The following ASTN2 variants were observed in gnomAD, a reference collection of about 807,000 sequenced individuals.
ASTN2 encodes astrotactin 2, also known as astrotactin-2.
A neutral mutation model predicts 139.8 loss-of-function variants in ASTN2; 54 were observed. The observed-to-expected ratio is 0.39, with a 90% confidence interval of 0.31 to 0.48. The LOEUF is 0.48. ASTN2 is among the 20% of genes least tolerant of loss of function. ASTN2 has a pLI of 0.95. For synonymous variants in ASTN2, 756 were observed against 719.5 expected (o/e 1.05, Z -0.81); for missense variants, 1,565 against 1,725.1 (o/e 0.91, Z 1.64).
intron 10 of ASTN2, among the ~76,000 whole-genome samples, chr9:116,883,859 C>T (rs937521680): frequency 2.6e-5 from 4 of 152,174 alleles, no homozygotes; most frequent in Non-Finnish European, 2.9e-5. Flanking sequence ...TTCAGAGCTT[C>T]TGGATTTGGG....
rs551996297 is a variant in ASTN2 at position 116,842,536 on chromosome 9, G to A, written c.2040+21047C>T. ...CATATAAGTGAGTGGGAAAGGCTCT[G>A]CCAGTCCCCAGTCCCCCACCCCTCT... On this transcript the variant is annotated intron_variant, in intron 11 of 22. Coordinates refer to ENST00000313400, the MANE Select transcript of ASTN2 (RefSeq NM_001365068.1). Among the ~76,000 whole-genome samples the A allele has an allele frequency of 9.9e-5, 15 of 151,964 alleles. 1 individual carries two copies. Among genetic ancestry groups the A allele is most frequent in the African/African-American group, 3.6e-4 (15 of 41,462 alleles).
At chr9:116,472,839 A>G (rs1466065419) in intron 20 of ASTN2, among the ~76,000 whole-genome samples, 1 of 151,628 alleles carries the variant, frequency 6.6e-6, no homozygotes, top group Non-Finnish European at 1.5e-5. Context: ...AGGCAGGAGA[A>G]TCGCTTGAAC....
At chr9:116,679,852 T>C (rs1022638741) in intron 16 of ASTN2, among the ~76,000 whole-genome samples, 17 of 152,076 alleles carry the variant, frequency 1.1e-4, no homozygotes, top group Non-Finnish European at 2.1e-4. Flanking sequence ...CATACCAGAA[T>C]CTCTGGGACA....
rs1303114812 is a variant in ASTN2 at position 117,040,826 on chromosome 9, G to A, written c.1277-861C>T. Among the ~76,000 whole-genome samples the A allele has an allele frequency of 2.0e-5, 3 of 152,300 alleles. No homozygotes were observed. In the East Asian group the frequency reaches 5.8e-4, roughly 29 times the overall value. On this transcript the variant is annotated intron_variant, in intron 5 of 22. Transcript: ENST00000313400. The stretch of plus-strand genomic sequence containing the variant: ...TTGTGACAATTACACAGCATGATTT[G>A]TATATCATGCCTGTCATTTAGAAGA...
intron 19 of ASTN2, among the ~76,000 whole-genome samples, chr9:116,606,035 G>A (rs1440900123): frequency 6.6e-6 from 1 of 152,032 alleles, no homozygotes; most frequent in African/African-American, 2.4e-5. Flanking sequence ...CCTGTGCCTC[G>A]GCCCAGCTTC....
chr9:116,582,355 G>A (rs1269892295), intron 19 of ASTN2: 1 of 152,218 alleles, frequency 6.6e-6, no homozygotes, highest in African/African-American at 2.4e-5. Flanking sequence ...AGAAAACCAT[G>A]TATCTTCCCC....
chr9:116,713,076 G>C (rs1001671596), intron 16 of ASTN2, among the ~76,000 whole-genome samples: 4 of 152,130 alleles, frequency 2.6e-5, no homozygotes, highest in Non-Finnish European at 5.9e-5. Flanking sequence ...GGAAGAAAGA[G>C]AGAGTACTAA....
chr9:117,335,845 A>C (rs1828864707), intron 1 of ASTN2, among the ~76,000 whole-genome samples: 3 of 152,168 alleles, frequency 2.0e-5, no homozygotes, highest in African/African-American at 4.8e-5. Flanking sequence ...AATGAAATCC[A>C]TATCTATGTG....
At chr9:116,557,941 T>G (rs980861247) in intron 19 of ASTN2, among the ~76,000 whole-genome samples, 15 of 152,230 alleles carry the variant, frequency 9.9e-5, no homozygotes, top group Non-Finnish European at 4.4e-5. Context: ...AGACTGTAAT[T>G]GAATATACAT....
At chr9:116,603,292 C>T (rs773035753) in intron 19 of ASTN2, among the ~76,000 whole-genome samples, 14 of 152,214 alleles carry the variant, frequency 9.2e-5, no homozygotes, top group East Asian at 5.8e-4. Context: ...TTAAAAGGCA[C>T]GGCTGGAGTG....
At chr9:116,889,166 G>C (rs776799496) in intron 10 of ASTN2, among the ~76,000 whole-genome samples, 1 of 152,104 alleles carries the variant, frequency 6.6e-6, no homozygotes, top group South Asian at 2.1e-4. Context: ...TTACAGATGT[G>C]AGCCATTCTG....
chr9:117,293,031 T>TATC (rs1323157328), intron 1 of ASTN2, among the ~76,000 whole-genome samples: 5 of 152,006 alleles, frequency 3.3e-5, no homozygotes, highest in African/African-American at 7.2e-5. Flanking sequence ...GATATTGATT[T>TATC]ATCATCATCA....
chr9:117,180,627 C>CTTT lies in ASTN2; in HGVS notation c.1015+33728_1015+33730dup, dbSNP rs372662181. 1,265 of 938,424 alleles carry CTTT rather than the reference C, an allele frequency of 1.3e-3. 1 individual carries two copies. The highest frequency in any genetic ancestry group is 3.0e-3 in the South Asian group (190 of 63,322). 58.1% of individuals were successfully genotyped at this position (938,424 alleles called of 1,614,324 possible). ...ATTCTAAACAACTGATCTGGAGTAT[C>CTTT]TTTTTTTTTTTTTTTTTGGACAGGA... On this transcript the variant is annotated intron_variant, in intron 3 of 22. Coordinates refer to ENST00000313400, the MANE Select transcript of ASTN2 (RefSeq NM_001365068.1).
intron 20 of ASTN2, among the ~76,000 whole-genome samples, chr9:116,460,680 T>A (rs953515961): frequency 6.6e-6 from 1 of 152,134 alleles, no homozygotes; most frequent in Non-Finnish European, 1.5e-5. Flanking sequence ...AGGAACTATA[T>A]GGTGCAGAGT....
At chr9:116,833,709 T>C (rs1003486587) in intron 11 of ASTN2, among the ~76,000 whole-genome samples, 2 of 152,228 alleles carry the variant, frequency 1.3e-5, no homozygotes, top group African/African-American at 4.8e-5. Flanking sequence ...TGTTGTTTAC[T>C]TTCTAAGTAT....
intron 19 of ASTN2, among the ~76,000 whole-genome samples, chr9:116,552,361 CT>C (rs1852392285): frequency 6.6e-6 from 1 of 152,158 alleles, no homozygotes; most frequent in Admixed American, 6.6e-5. Context: ...TTTTCATACT[CT>C]TTTATTTAAA....
chr9:116,744,119 G>C (rs750064115), intron 13 of ASTN2, among the ~76,000 whole-genome samples: 10 of 152,070 alleles, frequency 6.6e-5, no homozygotes, highest in Admixed American at 1.3e-4. Flanking sequence ...GTGAGGGTGG[G>C]GCCTAGGCAG....
intron 11 of ASTN2, among the ~76,000 whole-genome samples, chr9:116,830,910 A>G (rs186292596): frequency 2.0e-5 from 3 of 152,204 alleles, no homozygotes; most frequent in Admixed American, 2.0e-4. Flanking sequence ...ATTAACCTGA[A>G]TGTCTATCAA....
intron 10 of ASTN2, among the ~76,000 whole-genome samples, chr9:116,941,271 C>G (rs1289788032): frequency 6.6e-6 from 1 of 150,950 alleles, no homozygotes; most frequent in Non-Finnish European, 1.5e-5. Flanking sequence ...GTGAATTATC[C>G]TGGGATAATC....
Sources: allele counts gnomAD v4.1 joint callset (sites outside exome capture counted in the v4.1 genomes callset), GRCh38; gene constraint gnomAD v4.1.1; transcripts MANE v1.5; gene names NCBI Gene and HGNC (gene_info 2026-07-23, HGNC 2026-07-21).